Variants in CCDC38 observed in about 807,000 individuals in gnomAD.
CCDC38 encodes coiled-coil domain-containing protein 38.
CCDC38 carries 69 observed loss-of-function variants against 72.8 expected under a neutral mutation model. The observed-to-expected ratio is 0.95, with a 90% CI of 0.78 to 1.16. The LOEUF is 1.16. Among genes scored for constraint, CCDC38 ranks in the 50% most tolerant of loss-of-function variants. CCDC38 has a pLI of 0.00. For missense variants in CCDC38, 626 were observed against 638.9 expected, an observed-to-expected ratio of 0.98 and a Z score of 0.22; for synonymous variants, 201 against 213.2, an observed-to-expected ratio of 0.94 and a Z score of 0.50.
chr12:95,898,735 G>C lies in CCDC38; in HGVS notation c.370-4C>G, dbSNP rs2079920195. 1 of 1,612,366 alleles carries C rather than the reference G, an allele frequency of 6.2e-7. No homozygotes were observed. The highest frequency in any genetic ancestry group is 8.5e-7 in the Non-Finnish European group (1 of 1,179,668). ...TTCTTTTGGTTGACAAAGCATACTAGGGGCATTGAAGACAGAGGTGTAAAA... is the reference window on the plus strand; with the variant it reads ...TTCTTTTGGTTGACAAAGCATACTACGGGCATTGAAGACAGAGGTGTAAAA... On this transcript the variant is annotated splice_polypyrimidine_tract_variant and splice_region_variant and intron_variant, in intron 5 of 15. Coordinates refer to ENST00000344280, the MANE Select transcript of CCDC38 (RefSeq NM_182496.3).
chr12:95,908,932 A>G (rs756569843), intron 4 of CCDC38, among the ~76,000 whole-genome samples: 40 of 152,262 alleles, frequency 2.6e-4, no homozygotes, highest in Non-Finnish European at 5.1e-4. Context: ...AAATTTATAC[A>G]TATGCTACAT....
At chr12:95,893,482 C>CTCTCTCTT (rs1555228389) in intron 8 of CCDC38, among the ~76,000 whole-genome samples, 4 of 129,486 alleles carry the variant, frequency 3.1e-5, no homozygotes, top group African/African-American at 8.8e-5. Context: ...CTCTCTCTCT[C>CTCTCTCTT]TCTTTCTTTC....
intron 8 of CCDC38, among the ~76,000 whole-genome samples, chr12:95,893,407 T>C (rs192172023): frequency 3.5e-5 from 3 of 85,180 alleles, no homozygotes; most frequent in Admixed American, 2.7e-4. Flanking sequence ...CTTATCTTCC[T>C]TCCCTCCCTC....
At chr12:95,887,372 G>T (rs1164150224) in intron 10 of CCDC38, among the ~76,000 whole-genome samples, 1 of 152,156 alleles carries the variant, frequency 6.6e-6, no homozygotes, top group African/African-American at 2.4e-5. Context: ...CCTTCAATGA[G>T]CAAATAGTTA....
In CCDC38 at chr12:95,885,129, C is replaced by G. The variant is rs529288188; in HGVS notation, c.920+3329G>C. 2.6e-5 allele frequency: 4 copies of G among 152,588 alleles called. No individual in the cohort carries two copies. In the South Asian group the frequency reaches 5.9e-4, roughly 22 times the overall value. The allele number at this position is 152,588 out of a possible 1,614,324, so 9.5% of individuals were successfully genotyped here. On this transcript the variant is annotated intron_variant, in intron 10 of 15. Transcript: ENST00000344280. Reference sequence around the variant, plus strand: ...GACCTCGAGACTAATAGCTACAGGCCATTTCCTGTTCCCTGTGTTGTGTGT... The same window carrying G: ...GACCTCGAGACTAATAGCTACAGGCGATTTCCTGTTCCCTGTGTTGTGTGT...
At chr12:95,928,746 T>C (rs10745738) in intron 2 of CCDC38, among the ~76,000 whole-genome samples, 54,815 of 152,102 alleles carry the variant, frequency 0.36, 10,172 homozygotes, top group Admixed American at 0.5. Context: ...TTTGTTAGTT[T>C]TCCTTCTAAC....
At chr12:95,938,239 A>G (rs2080414417) in intron 1 of CCDC38, among the ~76,000 whole-genome samples, 2 of 152,362 alleles carry the variant, frequency 1.3e-5, no homozygotes, top group South Asian at 4.1e-4. Context: ...GGGGAAAAGA[A>G]AGATCGGTGA....
At chr12:95,907,398 G>A (rs1447246012) in intron 4 of CCDC38, among the ~76,000 whole-genome samples, 1 of 140,456 alleles carries the variant, frequency 7.1e-6, no homozygotes. Context: ...CAGTAGGGGC[G>A]GCCGGGCAGA....
intron 13 of CCDC38, among the ~76,000 whole-genome samples, chr12:95,876,305 A>G (rs1006221490): frequency 1.3e-5 from 2 of 152,170 alleles, no homozygotes; most frequent in African/African-American, 4.8e-5. Context: ...GGAGGGATGG[A>G]AAGTTATTGT....
chr12:95,894,602 C>T (rs983043314), intron 8 of CCDC38, among the ~76,000 whole-genome samples: 2 of 152,192 alleles, frequency 1.3e-5, no homozygotes, highest in African/African-American at 4.8e-5. Context: ...CCTGCTTCCC[C>T]TCCCCGTTGC....
chr12:95,896,143 C>G lies in CCDC38; in HGVS notation c.615-997G>C, dbSNP rs376379019. 4.0e-5 allele frequency among the ~76,000 whole-genome samples: 6 copies of G among 151,016 alleles called. No individual in the cohort carries two copies. The East Asian group carries it at 5.9e-4, about 15-fold the overall frequency. ...ACTAACACTTAATGAGGACCTATTACTACAGGCAGGACACACTACAGACAT... is the reference window on the plus strand; with the variant it reads ...ACTAACACTTAATGAGGACCTATTAGTACAGGCAGGACACACTACAGACAT... On this transcript the variant is annotated intron_variant, in intron 7 of 15. Coordinates refer to ENST00000344280, the MANE Select transcript of CCDC38 (RefSeq NM_182496.3).
intron 4 of CCDC38, among the ~76,000 whole-genome samples, chr12:95,911,226 C>A (rs544934444): frequency 1.3e-5 from 2 of 152,146 alleles, no homozygotes; most frequent in Admixed American, 1.3e-4. Context: ...TTACCATATA[C>A]AAAAATTAAC....
chr12:95,917,402 A>G (rs2080157439), intron 3 of CCDC38, 108 bp from the exon 4 acceptor site: 8 of 888,456 alleles, frequency 9.0e-6, no homozygotes, highest in Non-Finnish European at 1.3e-5. Flanking sequence ...TCTTAACATT[A>G]AAAAAACAAC....
chr12:95,932,676 G>A (rs927538169), intron 2 of CCDC38, among the ~76,000 whole-genome samples: 7 of 152,252 alleles, frequency 4.6e-5, no homozygotes, highest in Non-Finnish European at 7.4e-5. Flanking sequence ...AGAGAGACAT[G>A]ATTTCATAAA....
chr12:95,878,695 A>G (rs1383842114), intron 12 of CCDC38, among the ~76,000 whole-genome samples: 1 of 152,108 alleles, frequency 6.6e-6, no homozygotes, highest in Non-Finnish European at 1.5e-5. Context: ...GAGAGGGAAA[A>G]TATAGACTCC....
intron 15 of CCDC38, 82 bp from the exon 16 acceptor site, chr12:95,867,271 A>G: frequency 1.3e-6 from 1 of 745,016 alleles, no homozygotes; most frequent in Non-Finnish European, 2.4e-6. Flanking sequence ...ACCAATATTA[A>G]CTTGATTTTT....
At chr12:95,871,414 CAT>C (rs1158473715) in intron 14 of CCDC38, among the ~76,000 whole-genome samples, 5 of 152,290 alleles carry the variant, frequency 3.3e-5, no homozygotes, top group Admixed American at 3.3e-4. Context: ...TTATATGAGA[CAT>C]GAGCATCTGC....
intron 7 of CCDC38, among the ~76,000 whole-genome samples, chr12:95,897,336 C>T (rs924970066): frequency 2.0e-5 from 3 of 151,966 alleles, no homozygotes; most frequent in Admixed American, 6.6e-5. Flanking sequence ...AGGCCGGGCG[C>T]GGTGACTCAC....
At chr12:95,939,802 G>T (rs2080430335) in intron 1 of CCDC38, among the ~76,000 whole-genome samples, 1 of 152,182 alleles carries the variant, frequency 6.6e-6, no homozygotes, top group Non-Finnish European at 1.5e-5. Flanking sequence ...TTTAATAGCT[G>T]TACAATTATA....
Sources: gnomAD v4.1 joint callset for allele counts (sites outside exome capture counted in the v4.1 genomes callset) on GRCh38, gnomAD v4.1.1 for gene constraint, MANE v1.5 for transcripts, NCBI Gene and HGNC (gene_info 2026-07-23, HGNC 2026-07-21) for gene names.